SPDYE4: variants seen among roughly 807,000 people sequenced by gnomAD.
SPDYE4 encodes speedy protein E4.
SPDYE4 carries 30 observed loss-of-function variants against 37.5 expected under a neutral mutation model. That is an observed-to-expected ratio of 0.80 (90% CI 0.60 to 1.09). SPDYE4 has a LOEUF of 1.09. Ranked by LOEUF, SPDYE4 falls within the 50% of genes least tolerant of loss-of-function variation. The pLI is 0.00. For synonymous variants in SPDYE4, 131 were observed against 120.3 expected, an observed-to-expected ratio of 1.09 and a Z score of -0.58; for missense variants, 300 against 307.9, an observed-to-expected ratio of 0.97 and a Z score of 0.19.
chr17:8,756,034 C>T (rs1314409524), intron 3 of SPDYE4, among the ~76,000 whole-genome samples: 2 of 152,006 alleles, frequency 1.3e-5, no homozygotes, highest in South Asian at 2.1e-4. Flanking sequence ...ACCAGAGCCC[C>T]GAGGGAGATG....
At position 8,751,683 on chromosome 17, in the gene SPDYE4, C is replaced by A. The variant is rs2086729441; in HGVS notation, c.*599G>T. 6.6e-6 allele frequency among the ~76,000 whole-genome samples: 1 copy of A among 152,150 alleles called. No homozygotes were observed. Among genetic ancestry groups the A allele is most frequent in the South Asian group, 2.1e-4 (1 of 4,828 alleles). ...AATTATATTTATGTGTATATAACAACCGTCAGAGAACTCTATAGGAACAGC... is the reference window on the plus strand; with the variant it reads ...AATTATATTTATGTGTATATAACAAACGTCAGAGAACTCTATAGGAACAGC... On this transcript the variant is annotated 3_prime_UTR_variant, in exon 7 of 7. Coordinates refer to ENST00000689094, the MANE Select transcript of SPDYE4 (RefSeq NM_001394956.1).
downstream of SPDYE4, among the ~76,000 whole-genome samples, chr17:8,750,666 C>T (rs1030574404): frequency 3.9e-5 from 6 of 152,142 alleles, no homozygotes; most frequent in African/African-American, 1.2e-4. Context: ...GCTGAGATTG[C>T]GCCACTGCAC....
chr17:8,757,412 C>A lies in SPDYE4; in HGVS notation c.190G>T (p.Glu64Ter). The stretch of plus-strand genomic sequence containing the variant: ...TCCAACTCCAGCTCCTCCTCCAGCT[C>A]CTCCTCGGATTCGTCTGACCATTCG... ...KSEWSDESEE[E>*]LEEELELERA... The change falls in exon 2 of 7, where the codon GAG becomes TAG. Residue 64 changes from glutamate to a stop codon, truncating the protein, a stop_gained. Coordinates refer to ENST00000689094, the MANE Select transcript of SPDYE4 (RefSeq NM_001394956.1). LOFTEE classifies it high-confidence loss of function. 6.3e-7 allele frequency: 1 copy of A among 1,592,464 alleles called. No individual in the cohort carries two copies. Among genetic ancestry groups the A allele is most frequent in the Non-Finnish European group, 8.6e-7 (1 of 1,169,172 alleles).
In SPDYE4 at chr17:8,755,288, C is replaced by T. The variant is rs1279934443; in HGVS notation, c.485+232G>A. 3.7e-5 allele frequency: 17 copies of T among 461,248 alleles called. No homozygotes were observed. In the East Asian group the frequency reaches 7.7e-4, roughly 21 times the overall value. The allele number at this position is 461,248 out of a possible 1,614,324, so 28.6% of individuals were successfully genotyped here. A position where few individuals can be genotyped will look rare whatever the true frequency, so the allele number is the denominator to read the frequency against. On this transcript the variant is annotated intron_variant, in intron 4 of 6. Transcript: ENST00000689094. ...GGGTCGTGTCCACGGCTTTCCTTTC[C>T]CCTTAGGACGGGTTTATGTTTCCTT...
intron 1 of SPDYE4, 107 bp downstream of exon 1, chr17:8,758,167 T>G: frequency 1.0e-6 from 1 of 973,642 alleles, no homozygotes; most frequent in Non-Finnish European, 1.5e-6. Flanking sequence ...GAGTCCGTCG[T>G]TTCTTTCCCA....
chr17:8,750,381 C>T (rs2086719526), downstream of SPDYE4, among the ~76,000 whole-genome samples: 1 of 149,648 alleles, frequency 6.7e-6, no homozygotes, highest in Admixed American at 6.7e-5. Flanking sequence ...GGGACAAGAT[C>T]CTTGTCTCAA....
In SPDYE4 at chr17:8,753,438, G is replaced by T. The variant is rs2086746612; in HGVS notation, c.537C>A (p.Ile179=). 5.0e-6 allele frequency: 8 copies of T among 1,612,090 alleles called. No homozygotes were observed. Among genetic ancestry groups the T allele is most frequent in the Non-Finnish European group, 6.8e-6 (8 of 1,179,052 alleles). The change falls in exon 5 of 7, where the codon ATC becomes ATA. Residue 179 remains isoleucine (I), a synonymous_variant. Transcript: ENST00000689094. ...AGTTCTTCCCGTAGAGGAAGGAGAA[G>T]ATGTCTTGTTTCGGGGCCTGGTTGT... ...EEDNQAPKQD[I]FSFLYGKNYS... is the part of the protein sequence containing the mutation.
In SPDYE4 at chr17:8,753,323, C is replaced by T. The variant is rs781057475; in HGVS notation, c.652G>A (p.Glu218Lys). 6.4e-7 allele frequency: 1 copy of T among 1,555,764 alleles called. No individual in the cohort carries two copies. The highest frequency in any genetic ancestry group is 1.2e-5 in the South Asian group (1 of 85,652). Reference protein sequence around the residue: ...RTWVSPEEMEEIQAYDPEHWV... With the variant: ...RTWVSPEEMEKIQAYDPEHWV... The stretch of plus-strand genomic sequence containing the variant: ...CCTCCTCATATGGCCCCACCTACCT[C>T]CTCCATCTCCTCTGGGGAAACCCAC... The change falls in exon 5 of 7, where the codon GAG (glutamate) becomes AAG (lysine). Residue 218 changes from glutamate (E) to lysine (K), a missense_variant and splice_region_variant. By Grantham distance (56) the Glu-to-Lys change is moderately conservative. Transcript: ENST00000689094.
At chr17:8,752,777 A>G (rs1280294916) in intron 6 of SPDYE4, among the ~76,000 whole-genome samples, 1 of 152,048 alleles carries the variant, frequency 6.6e-6, no homozygotes. Flanking sequence ...TATCAACCAT[A>G]ATGAACCTCC....
rs2086740291 is a variant in SPDYE4 at position 8,753,094 on chromosome 17, C to T, written c.*44G>A. On this transcript the variant is annotated splice_region_variant and 3_prime_UTR_variant, in exon 6 of 7. Coordinates refer to ENST00000689094, the MANE Select transcript of SPDYE4 (RefSeq NM_001394956.1). ...TTTACCCTGGAGGATACACACGTAC[C>T]TTCCCTCAGGCCGATGACCTCAGGC... 1 of 1,609,168 alleles carries T rather than the reference C, an allele frequency of 6.2e-7. No individual in the cohort carries two copies.
rs766335618 is a variant in SPDYE4, at chr17:8,757,370, C to T, written c.232G>A (p.Glu78Lys). 3.1e-5 allele frequency: 49 copies of T among 1,596,918 alleles called. No individual in the cohort carries two copies. Among genetic ancestry groups the T allele is most frequent in the African/African-American group, 2.8e-4 (21 of 74,570 alleles). The change falls in exon 2 of 7, where the codon GAG (glutamate) becomes AAG (lysine). Residue 78 changes from glutamate (E) to lysine (K), a missense_variant. Physicochemically the swap from Glu to Lys is moderately conservative, Grantham distance 56. Coordinates refer to ENST00000689094, the MANE Select transcript of SPDYE4 (RefSeq NM_001394956.1). ...ELELERAPEPEDTWVVETLCG... is the reference protein window; with the variant it reads ...ELELERAPEPKDTWVVETLCG... ...AGCGTCTCCACCACCCAGGTGTCCT[C>T]GGGCTCAGGGGCGCGCTCCAACTCC...
intron 2 of SPDYE4, 21 bp downstream of exon 2, chr17:8,757,241 C>CT: frequency 6.3e-7 from 1 of 1,588,868 alleles, no homozygotes; most frequent in South Asian, 1.1e-5. Context: ...GTTGGAGGTG[C>CT]TTTTTGGGGT....
chr17:8,755,931 A>G (rs1453952486), intron 3 of SPDYE4, among the ~76,000 whole-genome samples: 1 of 151,990 alleles, frequency 6.6e-6, no homozygotes, highest in Non-Finnish European at 1.5e-5. Context: ...ATCTGAGAGG[A>G]TAGGGGTCAG....
intron 1 of SPDYE4, 54 bp downstream of exon 1, chr17:8,758,220 C>CT: frequency 1.4e-6 from 2 of 1,396,834 alleles, no homozygotes; most frequent in Non-Finnish European, 1.9e-6. Flanking sequence ...AACTGGCCCC[C>CT]TTCCCTCTCC....
intron 4 of SPDYE4, among the ~76,000 whole-genome samples, chr17:8,754,400 G>A (rs957897858): frequency 1.3e-5 from 2 of 152,010 alleles, no homozygotes; most frequent in Admixed American, 6.6e-5. Flanking sequence ...ATAGCAAAAC[G>A]TCATCTCTAC....
At position 8,753,210 on chromosome 17, in the gene SPDYE4, ACAC is replaced by A; in HGVS notation, c.655-16_655-14del. On this transcript the variant is annotated splice_polypyrimidine_tract_variant and intron_variant, in intron 5 of 6. Coordinates refer to ENST00000689094, the MANE Select transcript of SPDYE4 (RefSeq NM_001394956.1). Reference sequence around the variant, plus strand: ...CATAAGCCTGGATCTGGAAAAACACACACCACTTGAGAAGCCAGGGATTCCCCA... The same window carrying A: ...CATAAGCCTGGATCTGGAAAAACACACACTTGAGAAGCCAGGGATTCCCCA... 3 of 1,613,918 alleles carry A rather than the reference ACAC, an allele frequency of 1.9e-6. No homozygotes were observed. The Middle Eastern group carries it at 5.0e-4, about 266-fold the overall frequency.
chr17:8,755,548 A>G lies in SPDYE4; in HGVS notation c.457T>C (p.Tyr153His), dbSNP rs2086764795. 6.2e-7 allele frequency: 1 copy of G among 1,612,100 alleles called. No individual in the cohort carries two copies. Among genetic ancestry groups the G allele is most frequent in the African/African-American group, 1.3e-5 (1 of 74,994 alleles). The change falls in exon 4 of 7, where the codon TAC becomes CAC. Residue 153 changes from tyrosine to histidine, a missense_variant. Tyr to His is a moderately conservative substitution (Grantham distance 83, BLOSUM62 2). Transcript: ENST00000689094. ...GCCAGGAAGAAATGAATGCGTTGGT[A>G]TTGCCACGAGAAGAGGCCGGCACGG... ...FSRAGLFSWQ[Y>H]QRIHFFLALY...
intron 4 of SPDYE4, among the ~76,000 whole-genome samples, chr17:8,753,710 G>T (rs1027119848): frequency 6.6e-6 from 1 of 152,198 alleles, no homozygotes. Context: ...GTAGCTGGGA[G>T]TGGTGGCTCT....
At chr17:8,756,312 G>A in intron 3 of SPDYE4, 66 bp downstream of exon 3, 1 of 1,502,826 alleles carries the variant, frequency 6.7e-7, no homozygotes, top group East Asian at 2.3e-5. Context: ...TGTGGGTTTA[G>A]ACGCTGCACC....
Sources: gnomAD v4.1 joint callset for allele counts (sites outside exome capture counted in the v4.1 genomes callset) on GRCh38, gnomAD v4.1.1 for gene constraint, MANE v1.5 for transcripts, NCBI Gene and HGNC (gene_info 2026-07-23, HGNC 2026-07-21) for gene names.